The following GOLGB1 variants were observed in gnomAD, a reference collection of about 807,000 sequenced individuals.
GOLGB1 encodes golgin subfamily B member 1.
A neutral mutation model predicts 336.9 loss-of-function variants in GOLGB1; 174 were observed. The observed-to-expected ratio is 0.52, with a 90% CI of 0.46 to 0.59. The LOEUF (loss-of-function observed/expected upper bound fraction) is 0.59. GOLGB1 is among the 20% of genes least tolerant of loss of function. The pLI, the probability that GOLGB1 is intolerant of heterozygous loss-of-function variation, is 0.00. For missense variants in GOLGB1, 3,331 were observed against 3,645.3 expected, an observed-to-expected ratio of 0.91 and a Z score of 2.22; for synonymous variants, 1,208 against 1,289.2, an observed-to-expected ratio of 0.94 and a Z score of 1.35.
rs1945047779 is a variant in GOLGB1, at chr3:121,719,738, T to C, written c.679A>G (p.Lys227Glu). The change falls in exon 7 of 22, where the codon AAA becomes GAA. Residue 227 changes from lysine (K) to glutamate (E), a missense_variant. Physicochemically the swap from Lys to Glu is moderately conservative, Grantham distance 56 (BLOSUM62 1). Coordinates refer to ENST00000614479, the MANE Select transcript of GOLGB1 (RefSeq NM_001366282.2). ...ACTTGTGTTTCAAAGCGGGCATCTT[T>C]CTCTCGGACCACCTGCTGCATGGAA... ...LSSMQQVVRE[K>E]DARFETQVRL... The C allele has an allele frequency of 6.2e-7, 1 of 1,607,932 alleles. No individual in the cohort carries two copies.
intron 14 of GOLGB1, 89 bp downstream of exon 14, chr3:121,690,581 G>A: frequency 1.6e-6 from 1 of 635,248 alleles, no homozygotes; most frequent in East Asian, 3.0e-5. Context: ...ATATGTATAA[G>A]AATGTGTTTA....
chr3:121,698,996 T>A, intron 12 of GOLGB1, 67 bp from the exon 13 acceptor site: 1 of 1,185,710 alleles, frequency 8.4e-7, no homozygotes, highest in Non-Finnish European at 1.2e-6. Flanking sequence ...ATAGCCCAAC[T>A]AAAAACTTGT....
At chr3:121,684,951 G>C (rs896161536) in intron 14 of GOLGB1, among the ~76,000 whole-genome samples, 1 of 152,180 alleles carries the variant, frequency 6.6e-6, no homozygotes, top group African/African-American at 2.4e-5. Flanking sequence ...GGTACTCCAG[G>C]AGAATTTTCT....
intron 14 of GOLGB1, among the ~76,000 whole-genome samples, chr3:121,687,347 C>T (rs190490738): frequency 1.3e-5 from 2 of 152,130 alleles, no homozygotes; most frequent in East Asian, 1.9e-4. Context: ...GATAGTACAA[C>T]TTTTAAATAT....
In GOLGB1 at chr3:121,667,957, C is replaced by G. The variant is rs1657353442; in HGVS notation, c.9419+104G>C. ...CACTTCTGTGAGGCTAATAAGATAA[C>G]AAGACATATTAAATCCATATAAAGG... is the stretch of plus-strand genomic sequence containing the variant. On this transcript the variant is annotated intron_variant, in intron 19 of 21. Transcript: ENST00000614479. The G allele has an allele frequency of 4.9e-6, 3 of 618,270 alleles. No individual in the cohort carries two copies. The South Asian group carries it at 6.7e-5, about 14-fold the overall frequency. The allele number at this position is 618,270 out of a possible 1,614,324, so 38.3% of individuals were successfully genotyped here.
In GOLGB1 at chr3:121,693,729, C is replaced by G. The variant is rs763417910; in HGVS notation, c.6782+12G>C. The stretch of plus-strand genomic sequence containing the variant: ...TTACCTCTGGAGGAGGAAAAATTCA[C>G]TACTCATTTACCTGGAAATGTTAAT... On this transcript the variant is annotated intron_variant, in intron 13 of 21. Transcript: ENST00000614479. 9 of 1,568,776 alleles carry G rather than the reference C, an allele frequency of 5.7e-6. No individual in the cohort carries two copies. Among genetic ancestry groups the G allele is most frequent in the Non-Finnish European group, 7.8e-6 (9 of 1,151,806 alleles).
intron 14 of GOLGB1, among the ~76,000 whole-genome samples, chr3:121,684,090 T>G (rs1388590021): frequency 7.8e-6 from 1 of 128,738 alleles, no homozygotes; most frequent in Non-Finnish European, 1.5e-5. Flanking sequence ...ATCATGCCAT[T>G]GCACTCCAGC....
intron 9 of GOLGB1, among the ~76,000 whole-genome samples, chr3:121,715,919 G>C (rs1325016117): frequency 6.6e-6 from 1 of 151,776 alleles, no homozygotes; most frequent in East Asian, 1.9e-4. Flanking sequence ...TTGAACCCAG[G>C]AGGCAGAGGT....
Position 121,691,267 on chromosome 3 carries a change from C to T in GOLGB1, c.8097G>A (p.Met2699Ile), listed in dbSNP as rs1303660949. The change falls in exon 14 of 22, where the codon ATG (methionine) becomes ATA (isoleucine). Residue 2699 changes from methionine to isoleucine, a missense_variant. Coordinates refer to ENST00000614479, the MANE Select transcript of GOLGB1 (RefSeq NM_001366282.2). ...CTTCTGCTGTTTCAGTTTCATTTCT[C>T]ATTATCCCTGCATCATGATGAAGAT... is the stretch of plus-strand genomic sequence containing the variant. The part of the protein sequence containing the change: ...LKHLHHDAGI[M>I]RNETETAEER... The T allele has an allele frequency of 3.7e-6, 6 of 1,613,940 alleles. No individual in the cohort carries two copies. The highest frequency in any genetic ancestry group is 5.1e-6 in the Non-Finnish European group (6 of 1,179,966).
intron 14 of GOLGB1, among the ~76,000 whole-genome samples, chr3:121,687,691 T>C (rs1444605199): frequency 6.6e-6 from 1 of 152,214 alleles, no homozygotes; most frequent in African/African-American, 2.4e-5. Context: ...GTTTAGTGCC[T>C]AGTGTTTATA....
At chr3:121,686,817 C>CA (rs1442062694) in intron 14 of GOLGB1, among the ~76,000 whole-genome samples, 1 of 151,958 alleles carries the variant, frequency 6.6e-6, no homozygotes. Context: ...AATAGACACT[C>CA]AAAAAAGGAA....
At chr3:121,676,822 G>A in intron 17 of GOLGB1, 71 bp downstream of exon 17, 1 of 1,324,164 alleles carries the variant, frequency 7.6e-7, no homozygotes, top group Non-Finnish European at 1.1e-6. Context: ...TGCTGAATTG[G>A]CTTCTACTTG....
intron 5 of GOLGB1, among the ~76,000 whole-genome samples, chr3:121,725,412 C>T (rs1427456270): frequency 1.3e-5 from 2 of 152,188 alleles, no homozygotes; most frequent in Non-Finnish European, 2.9e-5. Flanking sequence ...GGTTTTCAAA[C>T]TTGCTTGGGG....
In GOLGB1 at chr3:121,664,182, C is replaced by A; in HGVS notation, c.*298G>T. 2 of 350,334 alleles carry A rather than the reference C, an allele frequency of 5.7e-6. No individual in the cohort carries two copies. Among genetic ancestry groups the A allele is most frequent in the Non-Finnish European group, 5.3e-6 (1 of 189,426 alleles). 21.7% of individuals were successfully genotyped at this position (350,334 alleles called of 1,614,324 possible). ...ACATTCCTCAGTATCTTTTACAGGACCACAAAAGATCAGGGTCCTGCAAAA... is the reference window on the plus strand; with the variant it reads ...ACATTCCTCAGTATCTTTTACAGGAACACAAAAGATCAGGGTCCTGCAAAA... On this transcript the variant is annotated 3_prime_UTR_variant, in exon 22 of 22. Transcript: ENST00000614479.
intron 15 of GOLGB1, among the ~76,000 whole-genome samples, chr3:121,680,414 T>G (rs1940935313): frequency 6.6e-6 from 1 of 152,180 alleles, no homozygotes; most frequent in Non-Finnish European, 1.5e-5. Flanking sequence ...TGACAAGGAT[T>G]TTACAGCAGC....
chr3:121,685,955 G>C (rs1560197756), intron 14 of GOLGB1, among the ~76,000 whole-genome samples: 1 of 152,164 alleles, frequency 6.6e-6, no homozygotes, highest in African/African-American at 2.4e-5. Context: ...TACTAGACTA[G>C]AGGTATCCTA....
intron 1 of GOLGB1, among the ~76,000 whole-genome samples, chr3:121,737,440 C>G (rs950346863): frequency 6.6e-6 from 1 of 152,098 alleles, no homozygotes; most frequent in African/African-American, 2.4e-5. Context: ...ATCACGAGGT[C>G]AGGAGTTTGA....
chr3:121,703,907 T>C (rs750676709), intron 10 of GOLGB1, among the ~76,000 whole-genome samples: 10 of 151,882 alleles, frequency 6.6e-5, no homozygotes, highest in Non-Finnish European at 1.3e-4. Flanking sequence ...ATGAATATGC[T>C]CATAATGAAT....
intron 17 of GOLGB1, among the ~76,000 whole-genome samples, chr3:121,672,673 C>A (rs1939708325): frequency 6.6e-6 from 1 of 152,190 alleles, no homozygotes; most frequent in Non-Finnish European, 1.5e-5. Flanking sequence ...GTTGCCTGTA[C>A]TCTTCAGGAC....
Sources: gnomAD v4.1 joint callset for allele counts (sites outside exome capture counted in the v4.1 genomes callset) on GRCh38, gnomAD v4.1.1 for gene constraint, MANE v1.5 for transcripts, NCBI Gene and HGNC (gene_info 2026-07-23, HGNC 2026-07-21) for gene names.